RECQL5: variants seen among roughly 807,000 people sequenced by gnomAD.
RECQL5 encodes RecQ like helicase 5, also known as ATP-dependent DNA helicase Q5.
A neutral mutation model predicts 103.4 loss-of-function variants in RECQL5; 88 were observed. That is an observed-to-expected ratio of 0.85 (90% confidence interval 0.72 to 1.02). The LOEUF (loss-of-function observed/expected upper bound fraction) is 1.02, where lower values mean the gene tolerates loss of function less well. Among genes scored for constraint, RECQL5 ranks in the 50% least tolerant of loss-of-function variants. The pLI, the probability that RECQL5 is intolerant of heterozygous loss-of-function variation, is 0.00. For missense variants in RECQL5, 1,232 were observed against 1,284.3 expected (o/e 0.96, Z 0.62); for synonymous variants, 552 against 507.9 (o/e 1.09, Z -1.17).
At chr17:75,657,148 C>CA (rs1277648853) in intron 7 of RECQL5, among the ~76,000 whole-genome samples, 2 of 152,166 alleles carry the variant, frequency 1.3e-5, no homozygotes, top group African/African-American at 4.8e-5. Context: ...GTGGGAGGCT[C>CA]ACTTGAGCTC....
At position 75,662,476 on chromosome 17, in the gene RECQL5, C is replaced by T. The variant is rs757371651; in HGVS notation, c.771+3G>A. 1 of 1,611,800 alleles carries T rather than the reference C, an allele frequency of 6.2e-7. No individual in the cohort carries two copies. The highest frequency in any genetic ancestry group is 8.5e-7 in the Non-Finnish European group (1 of 1,178,422). ...CTGCTTGGCCTCCACCTCAATGCCTCACCCCTTTATCAGCCTCCTGTCCAA... is the reference window on the plus strand; with the variant it reads ...CTGCTTGGCCTCCACCTCAATGCCTTACCCCTTTATCAGCCTCCTGTCCAA... On this transcript the variant is annotated splice_donor_region_variant and intron_variant, in intron 4 of 19. Coordinates refer to ENST00000317905, the MANE Select transcript of RECQL5 (RefSeq NM_004259.7).
chr17:75,661,458 T>C (rs2059698204), intron 5 of RECQL5, 148 bp downstream of exon 5: 4 of 638,972 alleles, frequency 6.3e-6, no homozygotes, highest in South Asian at 1.9e-5. Context: ...AGACTCCTTT[T>C]AGGGGATTTA....
At chr17:75,661,991 G>T (rs897489180) in intron 4 of RECQL5, among the ~76,000 whole-genome samples, 4 of 152,110 alleles carry the variant, frequency 2.6e-5, no homozygotes, top group African/African-American at 9.7e-5. Flanking sequence ...GAGAAACCCC[G>T]TCTCTGCTAA....
chr17:75,666,602 A>G, intron 1 of RECQL5, 31 bp from the exon 2 acceptor site: 2 of 1,597,982 alleles, frequency 1.3e-6, no homozygotes, highest in Non-Finnish European at 1.7e-6. Context: ...AGGTAGTAAA[A>G]GGTTGCCACG....
intron 8 of RECQL5, 67 bp downstream of exon 8, chr17:75,651,119 T>C: frequency 6.2e-7 from 1 of 1,613,256 alleles, no homozygotes; most frequent in East Asian, 2.2e-5. Flanking sequence ...GCTGCTTAAC[T>C]AGGGCGTGCC....
At chr17:75,662,103 G>A (rs993502654) in intron 4 of RECQL5, among the ~76,000 whole-genome samples, 1 of 152,144 alleles carries the variant, frequency 6.6e-6, no homozygotes, top group Non-Finnish European at 1.5e-5. Context: ...GGAGGTTGCG[G>A]TGAGCCAAGA....
At chr17:75,630,598 C>T in intron 13 of RECQL5, 21 bp downstream of exon 13, 1 of 1,612,736 alleles carries the variant, frequency 6.2e-7, no homozygotes, top group East Asian at 2.2e-5. Flanking sequence ...TGCTCCTCAG[C>T]CCAGTGATCG....
At position 75,666,444 on chromosome 17, in the gene RECQL5, G is replaced by A. The variant is rs1385523521; in HGVS notation, c.114C>T (p.Thr38=). 10 of 1,614,016 alleles carry A rather than the reference G, an allele frequency of 6.2e-6. No homozygotes were observed. The highest frequency in any genetic ancestry group is 7.6e-6 in the Non-Finnish European group (9 of 1,179,998). Residue 38 remains threonine, a synonymous_variant, in exon 2 of 20, where the codon ACC becomes ACT. Coordinates refer to ENST00000317905, the MANE Select transcript of RECQL5 (RefSeq NM_004259.7). Reference sequence around the variant, plus strand: ...TAATGTTACCTTTTACTACAGCCATGGTCGCACTCTCCTGTAAAGGCGTCT... The same window carrying A: ...TAATGTTACCTTTTACTACAGCCATAGTCGCACTCTCCTGTAAAGGCGTCT... ...SFKTPLQESA[T]MAVVKGNKDV... is the part of the protein sequence containing the mutation.
chr17:75,631,641 G>C lies in RECQL5; in HGVS notation c.1257C>G (p.Tyr419Ter). 6.2e-7 allele frequency: 1 copy of C among 1,611,850 alleles called. No homozygotes were observed. Among genetic ancestry groups the C allele is most frequent in the Non-Finnish European group, 8.5e-7 (1 of 1,179,810 alleles). The part of the protein sequence containing the change: ...LGCRHAAIAK[Y>*]FGDALPACAK... ...CGCAGGCAGGCAGCGCATCCCCGAA[G>C]TACTTGGCAATGGCGGCATGGCGGC... Residue 419 changes from tyrosine (Y) to a stop codon, truncating the protein, a stop_gained, in exon 9 of 20, where the codon TAC becomes TAG. Coordinates refer to ENST00000317905, the MANE Select transcript of RECQL5 (RefSeq NM_004259.7). LOFTEE classifies it high-confidence loss of function.
Position 75,658,464 on chromosome 17 carries a change from T to C in RECQL5, c.987-4A>G, listed in dbSNP as rs1375478567. ...AATATTCCAATGGGCGACAAACCTG[T>C]AGGATCCAAAGGGACAAGCAGCATG... On this transcript the variant is annotated splice_polypyrimidine_tract_variant and splice_region_variant and intron_variant, in intron 6 of 19. Transcript: ENST00000317905. The C allele has an allele frequency of 1.9e-6, 3 of 1,612,692 alleles. No individual in the cohort carries two copies. The highest frequency in any genetic ancestry group is 2.5e-6 in the Non-Finnish European group (3 of 1,179,310).
Position 75,650,537 on chromosome 17 carries a change from C to T in RECQL5, c.1229+649G>A, listed in dbSNP as rs1022138828. On this transcript the variant is annotated intron_variant, in intron 8 of 19. Coordinates refer to ENST00000317905, the MANE Select transcript of RECQL5 (RefSeq NM_004259.7). ...TTCACCTCTAAGTCTGAAGCAATCA[C>T]GTCAGCGTCATCCGACAGGATCATT... The T allele has an allele frequency of 9.4e-6, 14 of 1,492,586 alleles. No homozygotes were observed. In the East Asian group the frequency reaches 1.0e-4, roughly 11 times the overall value. The allele number at this position is 1,492,586 out of a possible 1,614,324, so 92.5% of individuals were successfully genotyped here.
intron 9 of RECQL5, 45 bp downstream of exon 9, chr17:75,631,405 C>T: frequency 6.3e-7 from 1 of 1,591,068 alleles, no homozygotes; most frequent in Non-Finnish European, 8.6e-7. Context: ...AAGGGAATGC[C>T]AGGCAATTCC....
At position 75,630,871 on chromosome 17, in the gene RECQL5, G is replaced by A. The variant is rs377079508; in HGVS notation, c.1586-34C>T. The A allele has an allele frequency of 3.7e-5, 55 of 1,498,130 alleles. No homozygotes were observed. In the African/African-American group the frequency reaches 7.7e-4, roughly 21 times the overall value. The allele number at this position is 1,498,130 out of a possible 1,614,324, so 92.8% of individuals were successfully genotyped here. On this transcript the variant is annotated intron_variant, in intron 11 of 19. Coordinates refer to ENST00000317905, the MANE Select transcript of RECQL5 (RefSeq NM_004259.7). Reference sequence around the variant, plus strand: ...GGGGGGGGTGGTCCTTGGTCCTTTCGCTCCACCTTCTGCGCTCTGAGGTCC... The same window carrying A: ...GGGGGGGGTGGTCCTTGGTCCTTTCACTCCACCTTCTGCGCTCTGAGGTCC...
chr17:75,655,220 C>T (rs572214157), intron 7 of RECQL5, among the ~76,000 whole-genome samples: 38 of 152,228 alleles, frequency 2.5e-4, no homozygotes, highest in East Asian at 7.7e-4. Flanking sequence ...TACAGGAGCC[C>T]GCCACCACGC....
intron 3 of RECQL5, among the ~76,000 whole-genome samples, chr17:75,664,368 A>G (rs1296075214): frequency 1.3e-5 from 2 of 152,242 alleles, no homozygotes; most frequent in East Asian, 3.8e-4. Flanking sequence ...CCCCATATCA[A>G]CTTAGCTATC....
At chr17:75,645,234 A>G (rs2059475746) in intron 8 of RECQL5, among the ~76,000 whole-genome samples, 1 of 152,224 alleles carries the variant, frequency 6.6e-6, no homozygotes, top group Non-Finnish European at 1.5e-5. Flanking sequence ...CATCTTTTTC[A>G]ACAGGAACAT....
intron 8 of RECQL5, among the ~76,000 whole-genome samples, chr17:75,648,413 A>G (rs1366077931): frequency 6.6e-6 from 1 of 152,008 alleles, no homozygotes; most frequent in Non-Finnish European, 1.5e-5. Context: ...TTGCTCTGTC[A>G]CCCAGGCTAG....
In RECQL5 at chr17:75,636,024, C is replaced by T. The variant is rs957482862; in HGVS notation, c.1230-4356G>A. On this transcript the variant is annotated intron_variant, in intron 8 of 19. Transcript: ENST00000317905. This position sits in a 1 kb window ranked among gnomAD's most constrained non-coding sequence, Gnocchi z 5.4. ...CTCCGGCTCTGCCAGCCTTCTCTGCCCTGAGTGTTTCCCCTGTGCTGACCG... is the reference window on the plus strand; with the variant it reads ...CTCCGGCTCTGCCAGCCTTCTCTGCTCTGAGTGTTTCCCCTGTGCTGACCG... Among the ~76,000 whole-genome samples, 2 of 152,216 alleles carry T rather than the reference C, an allele frequency of 1.3e-5. No homozygotes were observed. Among genetic ancestry groups the T allele is most frequent in the South Asian group, 2.1e-4 (1 of 4,838 alleles).
In RECQL5 at chr17:75,631,315, A is replaced by T. The variant is rs2059208801; in HGVS notation, c.1449-66T>A. 6 of 1,562,556 alleles carry T rather than the reference A, an allele frequency of 3.8e-6. No individual in the cohort carries two copies. The East Asian group carries it at 1.1e-4, about 29-fold the overall frequency. Reference sequence around the variant, plus strand: ...TGCCCTCCCCATGTGTGCTGCTGCTAGAACGGCAATGTCCCTGATGTCCTA... The same window carrying T: ...TGCCCTCCCCATGTGTGCTGCTGCTTGAACGGCAATGTCCCTGATGTCCTA... On this transcript the variant is annotated intron_variant, in intron 9 of 19. Transcript: ENST00000317905.
Sources: gnomAD v4.1 joint callset for allele counts (sites outside exome capture counted in the v4.1 genomes callset) on GRCh38, gnomAD v4.1.1 for gene constraint, Gnocchi (gnomAD v3.1) non-coding constraint, MANE v1.5 for transcripts, NCBI Gene and HGNC (gene_info 2026-07-23, HGNC 2026-07-21) for gene names.